VAT1L: variants seen among roughly 807,000 people sequenced by gnomAD.
The protein encoded by VAT1L is vesicle amine transport 1 like, also known as putative NADPH-dependent quinone oxidoreductase VAT1L.
VAT1L carries 34 observed loss-of-function variants against 44.1 expected under a neutral mutation model. The observed-to-expected ratio is 0.77, with a 90% CI of 0.59 to 1.03. The LOEUF is 1.03. Ranked by LOEUF, VAT1L falls within the 50% of genes least tolerant of loss-of-function variation. The probability of loss-of-function intolerance (pLI) is 0.00; values close to 1 mark genes in which losing one functional copy is unlikely to be tolerated. For synonymous variants in VAT1L, 253 were observed against 202.2 expected, an observed-to-expected ratio of 1.25 and a Z score of -2.13; for missense variants, 615 against 538.8, an observed-to-expected ratio of 1.14 and a Z score of -1.40.
chr16:77,944,382 A>C (rs960512805), intron 7 of VAT1L, among the ~76,000 whole-genome samples: 1 of 152,188 alleles, frequency 6.6e-6, no homozygotes, highest in Non-Finnish European at 1.5e-5. Context: ...CCCCAGGCAG[A>C]GGTATAAAGA....
chr16:77,898,652 C>T (rs1192742186), intron 7 of VAT1L, among the ~76,000 whole-genome samples: 1 of 140,628 alleles, frequency 7.1e-6, no homozygotes, highest in African/African-American at 2.6e-5. Flanking sequence ...TACGAGCCAG[C>T]CTCTGTTACC....
chr16:77,946,322 T>A (rs1008653838), intron 7 of VAT1L, among the ~76,000 whole-genome samples: 7 of 111,974 alleles, frequency 6.3e-5, no homozygotes, highest in African/African-American at 2.4e-4. Context: ...CTCACTCTGA[T>A]GCCCAGGCTG....
At chr16:77,837,483 T>C (rs1311146898) in intron 3 of VAT1L, among the ~76,000 whole-genome samples, 1 of 152,224 alleles carries the variant, frequency 6.6e-6, no homozygotes, top group Non-Finnish European at 1.5e-5. Flanking sequence ...AAGGCAGGGA[T>C]GGTGTGAACC....
chr16:77,934,653 G>A lies in VAT1L; in HGVS notation c.1078-37197G>A, dbSNP rs575500710. Among the ~76,000 whole-genome samples, 6 of 152,298 alleles carry A rather than the reference G, an allele frequency of 3.9e-5. No homozygotes were observed. In the South Asian group the frequency reaches 1.2e-3, roughly 32 times the overall value. ...GAACCATAGGGAACTAATTTAGTGG[G>A]ATGTGAACAGTGCCTTGAATCTTGT... On this transcript the variant is annotated intron_variant, in intron 7 of 8. Coordinates refer to ENST00000302536, the MANE Select transcript of VAT1L (RefSeq NM_020927.3).
chr16:77,963,740 G>C (rs1480392285), intron 7 of VAT1L, among the ~76,000 whole-genome samples: 1 of 151,974 alleles, frequency 6.6e-6, no homozygotes, highest in African/African-American at 2.4e-5. Context: ...CACAGTACAG[G>C]CTGGGTCCTC....
intron 7 of VAT1L, among the ~76,000 whole-genome samples, chr16:77,961,386 T>C (rs1463795706): frequency 6.6e-6 from 1 of 152,178 alleles, no homozygotes; most frequent in Non-Finnish European, 1.5e-5. Context: ...CTCGGATCTG[T>C]TCACCTTCTT....
chr16:77,952,360 C>T (rs558639494), intron 7 of VAT1L, among the ~76,000 whole-genome samples: 3 of 152,100 alleles, frequency 2.0e-5, no homozygotes, highest in South Asian at 2.1e-4. Context: ...GGGAGGTGTT[C>T]GGATCAGGGG....
At chr16:77,824,841 C>T (rs1048401885) in intron 2 of VAT1L, among the ~76,000 whole-genome samples, 7 of 148,360 alleles carry the variant, frequency 4.7e-5, no homozygotes, top group South Asian at 4.2e-4. Context: ...GTGTTTGTAC[C>T]GTGGATAGCT....
At chr16:77,969,375 G>C (rs2018255765) in intron 7 of VAT1L, among the ~76,000 whole-genome samples, 1 of 151,506 alleles carries the variant, frequency 6.6e-6, no homozygotes. Context: ...TGTCAGCTGG[G>C]GCTGTGGTCT....
Position 77,865,427 on chromosome 16 carries a change from G to A in VAT1L, c.722+2537G>A, listed in dbSNP as rs565548951. Among the ~76,000 whole-genome samples the A allele has an allele frequency of 2.4e-4, 37 of 152,228 alleles. 1 individual carries two copies. The South Asian group carries it at 7.7e-3, about 32-fold the overall frequency. ...CAATTGCTTAATACATCTGTGCTTTGTGTCTGTGATGGCCTGGAGACTGTG... is the reference window on the plus strand; with the variant it reads ...CAATTGCTTAATACATCTGTGCTTTATGTCTGTGATGGCCTGGAGACTGTG... On this transcript the variant is annotated intron_variant, in intron 4 of 8. Transcript: ENST00000302536.
chr16:77,828,329 G>A (rs936194682), intron 3 of VAT1L, among the ~76,000 whole-genome samples: 1 of 152,204 alleles, frequency 6.6e-6, no homozygotes, highest in African/African-American at 2.4e-5. Flanking sequence ...GTTATCCTGC[G>A]TTATTCAGGA....
intron 3 of VAT1L, among the ~76,000 whole-genome samples, chr16:77,843,297 AG>A (rs1008541214): frequency 1.3e-5 from 2 of 151,980 alleles, no homozygotes; most frequent in African/African-American, 4.8e-5. Flanking sequence ...GTGGGAGGGC[AG>A]GGGTGAAGCT....
intron 7 of VAT1L, among the ~76,000 whole-genome samples, chr16:77,954,229 T>C (rs1294493249): frequency 3.3e-5 from 5 of 152,360 alleles, no homozygotes; most frequent in African/African-American, 1.2e-4. Context: ...TTCTTGTCTG[T>C]TGCCCTGGAG....
At chr16:77,916,901 G>C (rs879886879) in intron 7 of VAT1L, among the ~76,000 whole-genome samples, 2 of 150,794 alleles carry the variant, frequency 1.3e-5, no homozygotes, top group Non-Finnish European at 2.9e-5. Flanking sequence ...AGTAGCGATT[G>C]CACTCATGGT....
intron 3 of VAT1L, among the ~76,000 whole-genome samples, chr16:77,854,400 T>A (rs886544531): frequency 6.6e-6 from 1 of 152,172 alleles, no homozygotes; most frequent in Non-Finnish European, 1.5e-5. Flanking sequence ...TGGTGGCAGG[T>A]CACATGGATC....
At chr16:77,819,314 A>G (rs536530027) in intron 2 of VAT1L, among the ~76,000 whole-genome samples, 7 of 152,196 alleles carry the variant, frequency 4.6e-5, no homozygotes, top group Non-Finnish European at 8.8e-5. Context: ...TGTGAAGAAC[A>G]GGATGCTAGT....
At chr16:77,847,045 T>C (rs2447782) in intron 3 of VAT1L, among the ~76,000 whole-genome samples, 53,405 of 152,122 alleles carry the variant, frequency 0.35, 9,846 homozygotes, top group Non-Finnish European at 0.41. Flanking sequence ...ATAATAATAC[T>C]TTTTATAAAG....
intron 3 of VAT1L, among the ~76,000 whole-genome samples, chr16:77,828,618 G>A (rs780139543): frequency 3.9e-5 from 6 of 152,002 alleles, no homozygotes; most frequent in African/African-American, 7.3e-5. Context: ...AGCTGAGATC[G>A]TGCCACTGCA....
At chr16:77,892,816 G>A (rs1369373629) in intron 7 of VAT1L, 3 of 824,844 alleles carry the variant, frequency 3.6e-6, no homozygotes, top group East Asian at 2.4e-5. Context: ...TTGACAAGGT[G>A]AAAGAAGGCA....
Sources: allele counts gnomAD v4.1 joint callset (sites outside exome capture counted in the v4.1 genomes callset), GRCh38; gene constraint gnomAD v4.1.1; transcripts MANE v1.5; gene names NCBI Gene and HGNC (gene_info 2026-07-23, HGNC 2026-07-21).